Variants in ANAPC2 observed in about 807,000 individuals in gnomAD.
The protein encoded by ANAPC2 is anaphase-promoting complex subunit 2.
In ANAPC2, 29 loss-of-function variants were observed where a neutral mutation model predicts 84.3. That is an observed-to-expected ratio of 0.34 (90% CI 0.26 to 0.47). The LOEUF (loss-of-function observed/expected upper bound fraction) is 0.47, where lower values mean the gene tolerates loss of function less well. Ranked by LOEUF, ANAPC2 falls within the 20% of genes least tolerant of loss-of-function variation. The pLI is 1.00. For missense variants in ANAPC2, 857 were observed against 1,131.7 expected (o/e 0.76, Z 3.48); for synonymous variants, 571 against 479.4 (o/e 1.19, Z -2.50).
At chr9:137,176,144 T>C (rs923291211) in intron 10 of ANAPC2, 4 of 237,096 alleles carry the variant, frequency 1.7e-5, no homozygotes, top group South Asian at 1.3e-4. Flanking sequence ...CTGAGGTGCA[T>C]CCTAACCCAA....
chr9:137,186,417 C>G (rs1834471490), intron 2 of ANAPC2, 61 bp from the exon 3 acceptor site: 2 of 1,527,380 alleles, frequency 1.3e-6, no homozygotes, highest in South Asian at 1.2e-5. Context: ...TAGCCCAGAA[C>G]AGCCCCATGC....
Position 137,180,196 on chromosome 9 carries a change from C to A in ANAPC2, c.1875G>T (p.Lys625Asn). 1 of 1,613,716 alleles carries A rather than the reference C, an allele frequency of 6.2e-7. No individual in the cohort carries two copies. Among genetic ancestry groups the A allele is most frequent in the Non-Finnish European group, 8.5e-7 (1 of 1,179,984 alleles). Residue 625 changes from lysine to asparagine, a missense_variant, in exon 10 of 13, where the codon AAG (lysine) becomes AAT (asparagine). Lys to Asn is a moderately conservative substitution (Grantham distance 94, BLOSUM62 0). Coordinates refer to ENST00000323927, the MANE Select transcript of ANAPC2 (RefSeq NM_013366.4). ...IRAALEAYCK[K>N]YEQLKAMRTL... ...ATGGAGGTACCTTGAGCTGCTCATACTTCTTGCAGTAAGCCTCCAGGGCTG... is the reference window on the plus strand; with the variant it reads ...ATGGAGGTACCTTGAGCTGCTCATAATTCTTGCAGTAAGCCTCCAGGGCTG...
chr9:137,182,358 A>G (rs1588761705), intron 6 of ANAPC2, among the ~76,000 whole-genome samples: 1 of 152,228 alleles, frequency 6.6e-6, no homozygotes, highest in Non-Finnish European at 1.5e-5. Context: ...TAAAAATACA[A>G]AAAGTTAGCC....
rs772985490 is a variant in ANAPC2 at position 137,174,987 on chromosome 9, G to A, written c.2424C>T (p.Leu808=). 28 of 1,600,716 alleles carry A rather than the reference G, an allele frequency of 1.7e-5. No individual in the cohort carries two copies. The East Asian group carries it at 1.8e-4, about 10-fold the overall frequency. The part of the protein sequence containing the change: ...YLQKKVRDQQ[L]VYSAGVYRLP... ...GGCGGTAGACGCCGGCCGAGTAGAC[G>A]AGCTGCTGGTCCCGCACCTTCTTCT... Residue 808 remains leucine, a synonymous_variant, in exon 13 of 13, where the codon CTC becomes CTT. Coordinates refer to ENST00000323927, the MANE Select transcript of ANAPC2 (RefSeq NM_013366.4). The surrounding 1 kb of genome is among the most constrained non-coding windows in gnomAD (Gnocchi z 6.1).
intron 10 of ANAPC2, among the ~76,000 whole-genome samples, chr9:137,178,262 G>A (rs1170643618): frequency 6.6e-6 from 1 of 152,250 alleles, no homozygotes; most frequent in African/African-American, 2.4e-5. Context: ...GGGCTCAGGG[G>A]TGACGCTGTG....
At position 137,181,859 on chromosome 9, in the gene ANAPC2, C is replaced by T. The variant is rs145419936; in HGVS notation, c.1290G>A (p.Thr430=). 8.6e-5 allele frequency: 138 copies of T among 1,602,356 alleles called. 1 individual carries two copies. The African/African-American group carries it at 1.3e-3, about 15-fold the overall frequency. ...CAATCTGCCGCACTGTGTCCTCCCG[C>T]GTCCTGCCGATGTGAGTGCTGCTGT... ...ACEPIRRYLR[T]REDTVRQIVA... The change falls in exon 7 of 13, where the codon ACG becomes ACA. Residue 430 remains threonine (T), a synonymous_variant. Transcript: ENST00000323927.
At chr9:137,182,240 C>T (rs1249079441) in intron 6 of ANAPC2, among the ~76,000 whole-genome samples, 2 of 152,180 alleles carry the variant, frequency 1.3e-5, no homozygotes, top group African/African-American at 4.8e-5. Context: ...GGGCCGGGCA[C>T]GGTGGCTCAC....
rs985736822 is a variant in ANAPC2 at position 137,186,419 on chromosome 9, G to A, written c.741-63C>T. 4.1e-5 allele frequency: 63 copies of A among 1,525,370 alleles called. No homozygotes were observed. The African/African-American group carries it at 4.7e-4, about 11-fold the overall frequency. 94.5% of individuals were successfully genotyped at this position (1,525,370 alleles called of 1,614,324 possible). ...ACACCGGCCCCTCTAGCCCAGAACA[G>A]CCCCATGCCAGGACTGCCCTGCCTG... is the stretch of plus-strand genomic sequence containing the variant. On this transcript the variant is annotated intron_variant, in intron 2 of 12. Coordinates refer to ENST00000323927, the MANE Select transcript of ANAPC2 (RefSeq NM_013366.4).
chr9:137,181,410 G>A (rs1033870419), intron 7 of ANAPC2, among the ~76,000 whole-genome samples: 17 of 152,180 alleles, frequency 1.1e-4, no homozygotes, highest in Admixed American at 1.0e-3. Context: ...GTGCAGTGGC[G>A]GGGCAGGGAC....
At chr9:137,185,603 C>T (rs1202829205) in intron 3 of ANAPC2, among the ~76,000 whole-genome samples, 2 of 152,232 alleles carry the variant, frequency 1.3e-5, no homozygotes, top group Non-Finnish European at 2.9e-5. Flanking sequence ...GGGACACCCT[C>T]CCTCTTTGAA....
At chr9:137,184,330 A>G (rs999078460) in intron 4 of ANAPC2, among the ~76,000 whole-genome samples, 15 of 149,298 alleles carry the variant, frequency 1.0e-4, no homozygotes, top group African/African-American at 3.7e-4. Context: ...CACAGAGCAG[A>G]CACGACGAAG....
At chr9:137,183,459 C>A in intron 5 of ANAPC2, 1 of 798,442 alleles carries the variant, frequency 1.3e-6, no homozygotes, top group South Asian at 1.8e-5. Context: ...CACCTCAGAC[C>A]TACCGGTCAG....
At position 137,187,302 on chromosome 9, in the gene ANAPC2, G is replaced by A. The variant is rs183049651; in HGVS notation, c.740+179C>T. 4.6e-4 allele frequency: 355 copies of A among 772,658 alleles called. 1 individual carries two copies. The East Asian group carries it at 8.1e-3, about 18-fold the overall frequency. The allele number at this position is 772,658 out of a possible 1,614,324, so 47.9% of individuals were successfully genotyped here. On this transcript the variant is annotated intron_variant, in intron 2 of 12. Coordinates refer to ENST00000323927, the MANE Select transcript of ANAPC2 (RefSeq NM_013366.4). ...TGAATCTGTGGGACTGAAGGTGAGTGACAGAAGAGAGACACCTGTGTCCAG... is the reference window on the plus strand; with the variant it reads ...TGAATCTGTGGGACTGAAGGTGAGTAACAGAAGAGAGACACCTGTGTCCAG...
Position 137,180,782 on chromosome 9 carries a change from C to A in ANAPC2, c.1610+6G>T, listed in dbSNP as rs1231855305. ...CTGGAGATGGCCAGCGCGTCACAGG[C>A]CTCACCGCTCGGGGCTGAAGCTGAA... is the stretch of plus-strand genomic sequence containing the variant. On this transcript the variant is annotated splice_donor_region_variant and intron_variant, in intron 8 of 12. Transcript: ENST00000323927. 2.5e-5 allele frequency: 40 copies of A among 1,609,510 alleles called. No individual in the cohort carries two copies. Among genetic ancestry groups the A allele is most frequent in the Non-Finnish European group, 3.4e-5 (40 of 1,179,392 alleles).
chr9:137,185,101 G>C lies in ANAPC2; in HGVS notation c.874-14C>G. ...CCGCTCGATCCACTGTCAGGAGAAC[G>C]CTAGTGTGAGCTGCAGGGAGGCATG... On this transcript the variant is annotated splice_polypyrimidine_tract_variant and intron_variant, in intron 3 of 12. Coordinates refer to ENST00000323927, the MANE Select transcript of ANAPC2 (RefSeq NM_013366.4). 3.3e-6 allele frequency: 5 copies of C among 1,519,898 alleles called. No individual in the cohort carries two copies. Among genetic ancestry groups the C allele is most frequent in the Non-Finnish European group, 4.4e-6 (5 of 1,133,662 alleles). 94.2% of individuals were successfully genotyped at this position (1,519,898 alleles called of 1,614,324 possible).
At chr9:137,178,479 C>T (rs560837093) in intron 10 of ANAPC2, among the ~76,000 whole-genome samples, 8 of 152,366 alleles carry the variant, frequency 5.3e-5, no homozygotes, top group African/African-American at 1.9e-4. Flanking sequence ...AAGGCAGGAC[C>T]CTGGAGGGAG....
chr9:137,187,731 T>C lies in ANAPC2; in HGVS notation c.490A>G (p.Ser164Gly). ...HTMLRGVLFFSTPRTFQEMIQ... is the reference protein window; with the variant it reads ...HTMLRGVLFFGTPRTFQEMIQ... The stretch of plus-strand genomic sequence containing the variant: ...ATCTCTTGGAAGGTTCTGGGGGTGC[T>C]AAAGAACAAGACTCCGCGCAACATA... Residue 164 changes from serine to glycine, a missense_variant, in exon 2 of 13, where the codon AGC (serine) becomes GGC (glycine). Ser to Gly is a moderately conservative substitution (Grantham distance 56). This residue lies in a region of ANAPC2 where 428 missense variants were observed against 513.8 expected (regional missense o/e 0.83). Transcript: ENST00000323927. 1.9e-6 allele frequency: 3 copies of C among 1,613,854 alleles called. No homozygotes were observed. Among genetic ancestry groups the C allele is most frequent in the Non-Finnish European group, 2.5e-6 (3 of 1,180,032 alleles).
chr9:137,183,999 C>T (rs1299508086), intron 4 of ANAPC2, among the ~76,000 whole-genome samples: 3 of 152,208 alleles, frequency 2.0e-5, no homozygotes, highest in Non-Finnish European at 4.4e-5. Context: ...AGAGCAACAC[C>T]CAGGGGCCAG....
chr9:137,179,117 T>G (rs1014835123), intron 10 of ANAPC2, among the ~76,000 whole-genome samples: 96 of 152,128 alleles, frequency 6.3e-4, no homozygotes, highest in Non-Finnish European at 1.3e-3. Flanking sequence ...AGGCTGCTCC[T>G]CCTGCCTGGG....
Sources: allele counts gnomAD v4.1 joint callset (sites outside exome capture counted in the v4.1 genomes callset), GRCh38; gene constraint gnomAD v4.1.1; regional missense constraint gnomAD v4.1.1; non-coding constraint Gnocchi (gnomAD v3.1); transcripts MANE v1.5; gene names NCBI Gene and HGNC (gene_info 2026-07-23, HGNC 2026-07-21).